Variants in APOM observed in about 807,000 individuals in gnomAD.
APOM encodes the protein NG20-like protein.
Under a neutral mutation model 23.5 loss-of-function variants are expected in APOM, and 24 were observed. The observed-to-expected ratio is 1.02, with a 90% CI of 0.74 to 1.44. The LOEUF (loss-of-function observed/expected upper bound fraction) is 1.44, where lower values mean the gene tolerates loss of function less well. Among genes scored for constraint, APOM ranks in the 40% most tolerant of loss-of-function variants. APOM has a pLI of 0.00. For synonymous variants in APOM, 82 were observed against 84.1 expected (o/e 0.97, Z 0.14); for missense variants, 200 against 233.2 (o/e 0.86, Z 0.93).
chr6:31,657,767 GTCT>G, intron 5 of APOM, 44 bp downstream of exon 5: 1 of 1,518,376 alleles, frequency 6.6e-7, no homozygotes, highest in Non-Finnish European at 9.1e-7. Flanking sequence ...GACTCACCAA[GTCT>G]TCTGGTGTTA....
rs1187015198 is a variant in APOM at position 31,657,692 on chromosome 6, C to T, written c.510C>T (p.Ser170=). The change falls in exon 5 of 6, where the codon TCC becomes TCT. Residue 170 remains serine, a synonymous_variant. Transcript: ENST00000375916. The stretch of plus-strand genomic sequence containing the variant: ...AGTCCCTGACTTCCTGCCTGGACTC[C>T]AAAGCCTTCTTATTGACTCCTAGGA... ...EFKSLTSCLD[S]KAFLLTPRNQ... 2 of 1,613,106 alleles carry T rather than the reference C, an allele frequency of 1.2e-6. No individual in the cohort carries two copies. Among genetic ancestry groups the T allele is most frequent in the South Asian group, 1.1e-5 (1 of 91,064 alleles).
At chr6:31,655,700 C>A (rs768917096), upstream of APOM, 2 of 419,074 alleles carry the variant, frequency 4.8e-6, no homozygotes, top group Admixed American at 3.7e-5. Context: ...AGGCTTCTCC[C>A]TGGACAGCTC....
Position 31,657,444 on chromosome 6 carries a change from G to A in APOM, c.408G>A (p.Glu136=). The A allele has an allele frequency of 1.9e-6, 3 of 1,612,944 alleles. No individual in the cohort carries two copies. Among genetic ancestry groups the A allele is most frequent in the Admixed American group, 1.7e-5 (1 of 60,014 alleles). ...SSCPGGIMLN[E]TGQGYQRFLL... The stretch of plus-strand genomic sequence containing the variant: ...GCCCAGGTGGAATCATGCTGAATGA[G>A]ACAGGCCAGGGTTACCAGCGCTTTC... Residue 136 remains glutamate (E), a synonymous_variant, in exon 4 of 6, where the codon GAG becomes GAA. Coordinates refer to ENST00000375916, the MANE Select transcript of APOM (RefSeq NM_019101.3).
At chr6:31,657,900 G>A (rs1383936134) in intron 5 of APOM, 164 bp from the exon 6 acceptor site, 3 of 951,888 alleles carry the variant, frequency 3.2e-6, no homozygotes, top group Non-Finnish European at 4.9e-6. Flanking sequence ...AGTTTGCACT[G>A]GATAAAGGGG....
At chr6:31,657,783 G>C in intron 5 of APOM, 60 bp downstream of exon 5, 1 of 1,437,060 alleles carries the variant, frequency 7.0e-7, no homozygotes, top group Non-Finnish European at 9.8e-7. Flanking sequence ...TGGTGTTACA[G>C]GGTGAAAGAG....
At chr6:31,654,281 A>C (rs905798436), upstream of APOM, among the ~76,000 whole-genome samples, 1 of 152,050 alleles carries the variant, frequency 6.6e-6, no homozygotes, top group Non-Finnish European at 1.5e-5. Flanking sequence ...CATTACACCA[A>C]AATAGAACAG....
At chr6:31,656,410 A>T (rs1286823863) in intron 1 of APOM, 62 bp from the exon 2 acceptor site, 1 of 1,546,422 alleles carries the variant, frequency 6.5e-7, no homozygotes, top group Non-Finnish European at 8.8e-7. Context: ...TGACTGATGA[A>T]GAGGTTGAAC....
upstream of APOM, among the ~76,000 whole-genome samples, chr6:31,652,925 G>A (rs545324125): frequency 1.3e-5 from 2 of 152,300 alleles, no homozygotes; most frequent in African/African-American, 2.4e-5. Context: ...AGGCGGCACT[G>A]TCCTAGCCAG....
chr6:31,657,787 GA>G, intron 5 of APOM, 64 bp downstream of exon 5: 1 of 1,425,018 alleles, frequency 7.0e-7, no homozygotes, highest in Non-Finnish European at 9.9e-7. Flanking sequence ...GTTACAGGGT[GA>G]AAGAGGCTCG....
At chr6:31,654,321 C>G (rs1799746209), upstream of APOM, among the ~76,000 whole-genome samples, 2 of 151,872 alleles carry the variant, frequency 1.3e-5, no homozygotes, top group South Asian at 4.2e-4. Context: ...ACTGGTCACC[C>G]AAATTTTGTT....
chr6:31,657,158 A>AC, intron 2 of APOM, 67 bp from the exon 3 acceptor site: 1 of 1,478,730 alleles, frequency 6.8e-7, no homozygotes, highest in Non-Finnish European at 9.2e-7. Flanking sequence ...AAAAAAAAAA[A>AC]AGAAGCTGGG....
At chr6:31,656,364 G>C in intron 1 of APOM, 108 bp from the exon 2 acceptor site, 1 of 1,202,798 alleles carries the variant, frequency 8.3e-7, no homozygotes, top group South Asian at 1.4e-5. Flanking sequence ...GAAAGAGGAA[G>C]GCAGCCAACA....
rs1015492900 is a variant in APOM, at chr6:31,657,451, C to T, written c.415C>T (p.Gln139Ter). Reference protein sequence around the residue: ...PGGIMLNETGQGYQRFLLYNR... With the variant: ...PGGIMLNETG ...TGGAATCATGCTGAATGAGACAGGC[C>T]AGGGTTACCAGCGCTTTCTCCTCTA... The change falls in exon 4 of 6, where the codon CAG becomes TAG. Residue 139 changes from glutamine to a stop codon, truncating the protein, a stop_gained. Coordinates refer to ENST00000375916, the MANE Select transcript of APOM (RefSeq NM_019101.3). LOFTEE classifies it high-confidence loss of function. 3 of 1,612,758 alleles carry T rather than the reference C, an allele frequency of 1.9e-6. No individual in the cohort carries two copies. The highest frequency in any genetic ancestry group is 2.7e-5 in the African/African-American group (2 of 74,900).
chr6:31,658,069 T>G lies in APOM; in HGVS notation c.547T>G (p.Cys183Gly). The change falls in exon 6 of 6, where the codon TGT becomes GGT. Residue 183 changes from cysteine to glycine, a missense_variant. Physicochemically the swap from Cys to Gly is radical, Grantham distance 159. Coordinates refer to ENST00000375916, the MANE Select transcript of APOM (RefSeq NM_019101.3). ...FLLTPRNQEA[C>G]ELSNN ...TTTCCCTCCCCCCATCACAGAGGCC[T>G]GTGAGCTGTCCAATAACTGACCTGT... 6.2e-7 allele frequency: 1 copy of G among 1,614,152 alleles called. No individual in the cohort carries two copies. The highest frequency in any genetic ancestry group is 8.5e-7 in the Non-Finnish European group (1 of 1,180,022).
upstream of APOM, among the ~76,000 whole-genome samples, chr6:31,654,286 GA>G (rs562539601): frequency 2.0e-5 from 3 of 149,748 alleles, no homozygotes; most frequent in South Asian, 6.4e-4. Flanking sequence ...CACCAAAATA[GA>G]ACAGTATTAA....
intron 1 of APOM, 33 bp from the exon 2 acceptor site, chr6:31,656,439 C>T (rs1800066620): frequency 1.2e-6 from 2 of 1,607,768 alleles, no homozygotes; most frequent in African/African-American, 1.3e-5. Flanking sequence ...TGCTGGAACC[C>T]ACCCTCTTTT....
chr6:31,655,204 G>T (rs1799915334), upstream of APOM, among the ~76,000 whole-genome samples: 1 of 152,212 alleles, frequency 6.6e-6, no homozygotes. Context: ...GCCTCTCAAA[G>T]TGCTGAGATT....
upstream of APOM, among the ~76,000 whole-genome samples, chr6:31,652,930 A>G (rs554168318): frequency 1.2e-4 from 19 of 152,292 alleles, no homozygotes; most frequent in South Asian, 3.1e-3. Flanking sequence ...GCACTGTCCT[A>G]GCCAGCTAAA....
upstream of APOM, among the ~76,000 whole-genome samples, chr6:31,654,506 T>C (rs1445506898): frequency 3.3e-5 from 5 of 151,982 alleles, no homozygotes; most frequent in African/African-American, 1.2e-4. Context: ...TGGGGCAACA[T>C]GGTGAAACTC....
Sources: allele counts gnomAD v4.1 joint callset (sites outside exome capture counted in the v4.1 genomes callset), GRCh38; gene constraint gnomAD v4.1.1; transcripts MANE v1.5; gene names NCBI Gene and HGNC (gene_info 2026-07-23, HGNC 2026-07-21).